The following TMX2 variants were observed in gnomAD, a reference collection of about 807,000 sequenced individuals.
TMX2 encodes thioredoxin-related transmembrane protein 2.
TMX2 carries 20 observed loss-of-function variants against 33.4 expected under a neutral mutation model. The observed-to-expected ratio is 0.60, with a 90% CI of 0.42 to 0.87. TMX2 has a LOEUF of 0.87. TMX2 is among the 40% of genes least tolerant of loss of function. The pLI, the probability that TMX2 is intolerant of heterozygous loss-of-function variation, is 0.00. For missense variants in TMX2, 340 were observed against 370.7 expected, an observed-to-expected ratio of 0.92 and a Z score of 0.68; for synonymous variants, 166 against 140.7, an observed-to-expected ratio of 1.18 and a Z score of -1.27.
chr11:57,725,601 G>A (rs1947925611), intron 1 of TMX2, among the ~76,000 whole-genome samples: 1 of 152,158 alleles, frequency 6.6e-6, no homozygotes, highest in African/African-American at 2.4e-5. Context: ...GCCAGGTGTG[G>A]TGGCACATAC....
At chr11:57,716,392 G>A (rs1947040329) in intron 1 of TMX2, among the ~76,000 whole-genome samples, 1 of 124,918 alleles carries the variant, frequency 8.0e-6, no homozygotes. Flanking sequence ...CGGGCGAGGG[G>A]CTGACCCCCC....
chr11:57,717,806 C>T (rs1006480602), intron 1 of TMX2, among the ~76,000 whole-genome samples: 2 of 149,398 alleles, frequency 1.3e-5, no homozygotes, highest in East Asian at 4.0e-4. Flanking sequence ...TCTTTATTTT[C>T]TTTCCCTAGC....
At chr11:57,715,586 C>CTTTTTTCTTTTT (rs1555014355) in intron 1 of TMX2, among the ~76,000 whole-genome samples, 6 of 130,120 alleles carry the variant, frequency 4.6e-5, no homozygotes, top group African/African-American at 1.8e-4. Flanking sequence ...AATTTGTTTT[C>CTTTTTTCTTTTT]TTTTTTTTTT....
At chr11:57,716,863 G>C (rs1402710520) in intron 1 of TMX2, among the ~76,000 whole-genome samples, 2 of 151,516 alleles carry the variant, frequency 1.3e-5, no homozygotes, top group East Asian at 2.0e-4. Context: ...CCTCCCTCCT[G>C]GACGGGGCGG....
Position 57,739,087 on chromosome 11 carries a change from G to A in TMX2, c.615-44G>A, listed in dbSNP as rs190566976. The A allele has an allele frequency of 4.8e-5, 78 of 1,614,182 alleles. No homozygotes were observed. In the African/African-American group the frequency reaches 1.0e-3, roughly 21 times the overall value. On this transcript the variant is annotated intron_variant, in intron 6 of 7. Transcript: ENST00000278422. The stretch of plus-strand genomic sequence containing the variant: ...GGTCTGAGCAGGGAAATCACTTTGA[G>A]TGATACATACAGGGACATTTAGAGA...
intron 1 of TMX2, among the ~76,000 whole-genome samples, chr11:57,716,822 G>A (rs1231130361): frequency 4.7e-5 from 7 of 149,554 alleles, no homozygotes; most frequent in African/African-American, 7.5e-5. Flanking sequence ...CGGACGGGGC[G>A]GCTGGCCGGG....
At position 57,719,126 on chromosome 11, in the gene TMX2, C is replaced by T. The variant is rs564048908; in HGVS notation, c.189+6319C>T. 3.4e-5 allele frequency among the ~76,000 whole-genome samples: 5 copies of T among 146,814 alleles called. No individual in the cohort carries two copies. The East Asian group carries it at 1.0e-3, about 30-fold the overall frequency. On this transcript the variant is annotated intron_variant, in intron 1 of 7. Transcript: ENST00000278422. ...TCTTGGCTCACTGCAACCTCCATCT[C>T]CTGGGTTCAAGCGATTCTCCTGCCT...
intron 1 of TMX2, among the ~76,000 whole-genome samples, chr11:57,716,843 A>ACC (rs567846185): frequency 4.2e-5 from 4 of 95,710 alleles, no homozygotes; most frequent in African/African-American, 1.5e-4. Context: ...CGGGGGGCTG[A>ACC]CCCCCCCCAC....
At chr11:57,725,662 A>G (rs1192470992) in intron 1 of TMX2, among the ~76,000 whole-genome samples, 3 of 151,908 alleles carry the variant, frequency 2.0e-5, no homozygotes, top group Admixed American at 1.3e-4. Flanking sequence ...GCTTGAACCC[A>G]GGAGGTGGAG....
chr11:57,712,702 G>A lies in TMX2; in HGVS notation c.84G>A (p.Leu28=). The A allele has an allele frequency of 1.2e-6, 2 of 1,614,192 alleles. No individual in the cohort carries two copies. Among genetic ancestry groups the A allele is most frequent in the South Asian group, 2.2e-5 (2 of 91,086 alleles). Residue 28 remains leucine, a synonymous_variant, in exon 1 of 8, where the codon CTG becomes CTA. Transcript: ENST00000278422. ...GGCTCGCCCAACCTTACTACCTTCT[G>A]TCGGCCCTGCTCTCTGCTGCCTTCC... The part of the protein sequence containing the change: ...SRWLAQPYYL[L]SALLSAAFLL...
At chr11:57,718,529 A>G (rs1222118679) in intron 1 of TMX2, 15 of 726,558 alleles carry the variant, frequency 2.1e-5, no homozygotes, top group South Asian at 4.6e-5. Flanking sequence ...GGGGTTGACC[A>G]TGGCTGATAG....
chr11:57,727,333 A>G (rs1383271250), intron 1 of TMX2, among the ~76,000 whole-genome samples: 1 of 151,988 alleles, frequency 6.6e-6, no homozygotes, highest in Non-Finnish European at 1.5e-5. Flanking sequence ...ACCCTGCCAG[A>G]TAGCCAAATC....
At chr11:57,729,555 ACTTTCT>A (rs1197816586) in intron 1 of TMX2, among the ~76,000 whole-genome samples, 2 of 152,130 alleles carry the variant, frequency 1.3e-5, no homozygotes, top group Admixed American at 1.3e-4. Context: ...AGCACACCAG[ACTTTCT>A]CTTCTTACCT....
chr11:57,732,662 A>G (rs527140), intron 1 of TMX2, among the ~76,000 whole-genome samples: 41,693 of 152,040 alleles, frequency 0.27, 6,820 homozygotes, highest in East Asian at 0.79. Context: ...TTCATGGTTC[A>G]CCTATTTACC....
intron 3 of TMX2, 38 bp from the exon 4 acceptor site, chr11:57,738,315 CT>C: frequency 6.8e-7 from 1 of 1,473,594 alleles, no homozygotes; most frequent in Non-Finnish European, 9.5e-7. Context: ...CTGTGTAAGG[CT>C]TTTTATGTTT....
intron 1 of TMX2, among the ~76,000 whole-genome samples, chr11:57,736,182 C>T (rs1948741208): frequency 6.6e-6 from 1 of 152,094 alleles, no homozygotes; most frequent in African/African-American, 2.4e-5. Context: ...TATTACTTCT[C>T]AGTGTCTTTG....
intron 1 of TMX2, chr11:57,718,505 A>T (rs1170314753): frequency 2.5e-6 from 2 of 806,048 alleles, no homozygotes; most frequent in Non-Finnish European, 4.3e-6. Context: ...ATCCACGGTG[A>T]TGTCAAAGAA....
chr11:57,737,838 C>T (rs1948847219), intron 2 of TMX2, 75 bp from the exon 3 acceptor site: 1 of 1,613,638 alleles, frequency 6.2e-7, no homozygotes, highest in East Asian at 2.2e-5. Context: ...TTTCAAAGTG[C>T]CCCATGAAGA....
At chr11:57,725,784 G>C (rs1386874477) in intron 1 of TMX2, among the ~76,000 whole-genome samples, 1 of 151,604 alleles carries the variant, frequency 6.6e-6, no homozygotes, top group East Asian at 1.9e-4. Context: ...TCAAGAAGGG[G>C]GTACTAAAAA....
Sources: gnomAD v4.1 joint callset for allele counts (sites outside exome capture counted in the v4.1 genomes callset) on GRCh38, gnomAD v4.1.1 for gene constraint, MANE v1.5 for transcripts, NCBI Gene and HGNC (gene_info 2026-07-23, HGNC 2026-07-21) for gene names.